Variants in ACTR3C observed in about 807,000 individuals in gnomAD.
The protein encoded by ACTR3C is actin related protein 3C.
ACTR3C carries 18 observed loss-of-function variants against 26.3 expected under a neutral mutation model. That is an observed-to-expected ratio of 0.68 (90% confidence interval 0.47 to 1.01). The LOEUF is 1.01. ACTR3C is among the 50% of genes least tolerant of loss of function. The pLI, the probability that ACTR3C is intolerant of heterozygous loss-of-function variation, is 0.00. For synonymous variants in ACTR3C, 55 were observed against 94.5 expected (o/e 0.58, Z 2.42); for missense variants, 184 against 250.7 (o/e 0.73, Z 1.80).
downstream of ACTR3C, among the ~76,000 whole-genome samples, chr7:150,239,362 T>G (rs1288186428): frequency 3.4e-5 from 5 of 146,488 alleles, no homozygotes; most frequent in African/African-American, 1.3e-4. Flanking sequence ...ATGATATTGA[T>G]GGTCAATATA....
chr7:150,150,990 C>T, the ACTR3C span, among the ~76,000 whole-genome samples: 1 of 134,356 alleles, frequency 7.4e-6, no homozygotes, highest in Non-Finnish European at 1.6e-5. Context: ...AATATTTTAC[C>T]AGATTTTGTT....
At chr7:150,011,669 T>C in the ACTR3C span, among the ~76,000 whole-genome samples, 1 of 152,188 alleles carries the variant, frequency 6.6e-6, no homozygotes, top group Admixed American at 6.5e-5. Context: ...GGCTTCTTTT[T>C]TAACTCTCAG....
intron 3 of ACTR3C, 77 bp downstream of exon 3, chr7:150,293,235 T>C: frequency 6.6e-7 from 1 of 1,525,822 alleles, no homozygotes. Context: ...AGAGGTTTTT[T>C]TTTTTTTTAA....
chr7:149,964,667 A>G, the ACTR3C span, among the ~76,000 whole-genome samples: 1 of 152,218 alleles, frequency 6.6e-6, no homozygotes, highest in African/African-American at 2.4e-5. Flanking sequence ...AAGACTTCGA[A>G]AACCTCTCTT....
At chr7:149,947,007 CT>C in the ACTR3C span, among the ~76,000 whole-genome samples, 1 of 151,420 alleles carries the variant, frequency 6.6e-6, no homozygotes, top group Non-Finnish European at 1.5e-5. Context: ...TCCCGGTGGT[CT>C]GAGCTGCCCA....
At chr7:150,232,571 C>A in the ACTR3C span, among the ~76,000 whole-genome samples, 6 of 146,088 alleles carry the variant, frequency 4.1e-5, 1 homozygote, top group South Asian at 1.3e-3. Context: ...TGCCTATAAT[C>A]CCAGCACTTT....
chr7:150,034,188 A>C, the ACTR3C span, among the ~76,000 whole-genome samples: 1 of 151,902 alleles, frequency 6.6e-6, no homozygotes, highest in Admixed American at 6.5e-5. Flanking sequence ...GAATCAGCTT[A>C]TTTGCTTCTT....
chr7:150,156,061 T>G, the ACTR3C span, among the ~76,000 whole-genome samples: 1 of 149,886 alleles, frequency 6.7e-6, no homozygotes, highest in African/African-American at 2.5e-5. Flanking sequence ...TTGCAGGGAG[T>G]CAGTGAGGTG....
At chr7:150,028,026 T>G in the ACTR3C span, among the ~76,000 whole-genome samples, 2 of 152,296 alleles carry the variant, frequency 1.3e-5, no homozygotes, top group Non-Finnish European at 2.9e-5. Flanking sequence ...AAAACTTTAA[T>G]AAAAAGAAAA....
the ACTR3C span, among the ~76,000 whole-genome samples, chr7:150,163,994 A>G: frequency 9.2e-5 from 14 of 152,224 alleles, no homozygotes; most frequent in East Asian, 9.7e-4. Flanking sequence ...TAAGTTAACC[A>G]TCACTGTTTG....
the ACTR3C span, among the ~76,000 whole-genome samples, chr7:149,943,401 T>C: frequency 2.6e-4 from 39 of 151,476 alleles, no homozygotes; most frequent in African/African-American, 9.1e-4. Flanking sequence ...TCAATGGATG[T>C]GAAATGGCTG....
the ACTR3C span, among the ~76,000 whole-genome samples, chr7:150,192,892 T>G: frequency 6.6e-6 from 1 of 152,352 alleles, no homozygotes. Context: ...TCTAGAATCA[T>G]GAAGTTTTAC....
At chr7:149,978,516 A>G in the ACTR3C span, among the ~76,000 whole-genome samples, 1 of 151,968 alleles carries the variant, frequency 6.6e-6, no homozygotes. Context: ...ACGGGTGTCT[A>G]CCTAAAAGCT....
chr7:150,202,153 C>T, the ACTR3C span, among the ~76,000 whole-genome samples: 1 of 152,126 alleles, frequency 6.6e-6, no homozygotes, highest in Non-Finnish European at 1.5e-5. Context: ...ACTTAGGGCC[C>T]CACAACCCAC....
chr7:150,128,518 C>T, the ACTR3C span, among the ~76,000 whole-genome samples: 1 of 151,834 alleles, frequency 6.6e-6, no homozygotes, highest in Non-Finnish European at 1.5e-5. Context: ...TTCCTAGACA[C>T]TCCCCAGGTC....
chr7:149,882,994 C>T, the ACTR3C span, among the ~76,000 whole-genome samples: 4 of 152,192 alleles, frequency 2.6e-5, no homozygotes, highest in Non-Finnish European at 4.4e-5. Context: ...GGCTCTCAGG[C>T]TCTTGAGAAA....
At chr7:150,046,503 G>GC in the ACTR3C span, among the ~76,000 whole-genome samples, 288 of 151,632 alleles carry the variant, frequency 1.9e-3, 2 homozygotes, top group African/African-American at 6.7e-3. Flanking sequence ...TAAGTGAGAG[G>GC]CCGGTGGGAC....
At chr7:149,905,072 C>T in the ACTR3C span, among the ~76,000 whole-genome samples, 1 of 150,456 alleles carries the variant, frequency 6.6e-6, no homozygotes, top group African/African-American at 2.4e-5. Context: ...AATCAAAACC[C>T]CATTATAATT....
At chr7:150,269,498 G>A (rs962177112) in intron 6 of ACTR3C, among the ~76,000 whole-genome samples, 6 of 150,578 alleles carry the variant, frequency 4.0e-5, no homozygotes, top group African/African-American at 1.5e-4. Flanking sequence ...AGAGGGTAAT[G>A]GCGTCAGCAC....
Sources: allele counts gnomAD v4.1 joint callset (sites outside exome capture counted in the v4.1 genomes callset), GRCh38; gene constraint gnomAD v4.1.1; transcripts MANE v1.5; gene names NCBI Gene and HGNC (gene_info 2026-07-23, HGNC 2026-07-21).